The following ZEB1 variants were observed in gnomAD, a reference collection of about 807,000 sequenced individuals.
The protein encoded by ZEB1 is zinc finger E-box-binding homeobox 1.
A neutral mutation model predicts 84.9 loss-of-function variants in ZEB1; 21 were observed. The observed-to-expected ratio is 0.25, with a 90% CI of 0.18 to 0.36. ZEB1 has a LOEUF of 0.36. Among genes scored for constraint, ZEB1 ranks in the 10% least tolerant of loss-of-function variants. The pLI, the probability that ZEB1 is intolerant of heterozygous loss-of-function variation, is 1.00. For missense variants in ZEB1, 1,104 were observed against 1,330.2 expected, an observed-to-expected ratio of 0.83 and a Z score of 2.65; for synonymous variants, 420 against 471.1, an observed-to-expected ratio of 0.89 and a Z score of 1.41.
Position 31,345,428 on chromosome 10 carries a change from G to A in ZEB1, c.58+26136G>A, listed in dbSNP as rs907510284. Among the ~76,000 whole-genome samples, 3 of 152,084 alleles carry A rather than the reference G, an allele frequency of 2.0e-5. 1 individual carries two copies. Among genetic ancestry groups the A allele is most frequent in the Non-Finnish European group, 4.4e-5 (3 of 68,004 alleles). ...TGGTAACTAAAATTCATTTTGTTCT[G>A]TAGGTTTGTGGCATTTTATGTGGGG... On this transcript the variant is annotated intron_variant, in intron 1 of 8. Transcript: ENST00000424869.
At chr10:31,440,202 C>A (rs1037035366) in intron 1 of ZEB1, among the ~76,000 whole-genome samples, 3 of 152,016 alleles carry the variant, frequency 2.0e-5, no homozygotes, top group African/African-American at 7.2e-5. Flanking sequence ...ATGGAATTGC[C>A]GTTTACTGAA....
At chr10:31,363,766 A>G (rs1442764821) in intron 1 of ZEB1, 2 of 1,282,500 alleles carry the variant, frequency 1.6e-6, no homozygotes, top group South Asian at 1.3e-5. Context: ...GCTCCAGACC[A>G]CAGGACGCAG....
chr10:31,466,629 T>TA (rs2062459717), intron 2 of ZEB1, among the ~76,000 whole-genome samples: 1 of 152,170 alleles, frequency 6.6e-6, no homozygotes, highest in African/African-American at 2.4e-5. Flanking sequence ...GAGAATTTTA[T>TA]AGCAATAAAT....
At chr10:31,433,575 G>A (rs989870692) in intron 1 of ZEB1, among the ~76,000 whole-genome samples, 2 of 152,206 alleles carry the variant, frequency 1.3e-5, no homozygotes, top group African/African-American at 4.8e-5. Context: ...AATTCCAGGA[G>A]TGATTTTCCA....
At chr10:31,347,639 A>T (rs2040541942) in intron 1 of ZEB1, among the ~76,000 whole-genome samples, 1 of 152,228 alleles carries the variant, frequency 6.6e-6, no homozygotes, top group South Asian at 2.1e-4. Context: ...TAAACCTTTA[A>T]CATAAACATT....
intron 1 of ZEB1, among the ~76,000 whole-genome samples, chr10:31,349,518 C>G (rs2040936314): frequency 6.6e-6 from 1 of 152,132 alleles, no homozygotes; most frequent in Admixed American, 6.5e-5. Context: ...AGTGGCTGTA[C>G]CAATTTACAT....
Position 31,520,951 on chromosome 10 carries a change from G to C in ZEB1, c.1619G>C (p.Gly540Ala), listed in dbSNP as rs774657322. 2 of 1,614,106 alleles carry C rather than the reference G, an allele frequency of 1.2e-6. No individual in the cohort carries two copies. The highest frequency in any genetic ancestry group is 1.7e-6 in the Non-Finnish European group (2 of 1,180,016). The change falls in exon 7 of 9, where the codon GGA (glycine) becomes GCA (alanine). Residue 540 changes from glycine (G) to alanine (A), a missense_variant. Physicochemically the swap from Gly to Ala is moderately conservative, Grantham distance 60 (BLOSUM62 0). This residue lies in a region of ZEB1 where 531 missense variants were observed against 575.2 expected (regional missense o/e 0.92). Transcript: ENST00000424869. The surrounding 1 kb of genome is among the most constrained non-coding windows in gnomAD (Gnocchi z 5.1). ...TGTCTTCTGTGTGATGATTGTCCAGGAGATATTAATGCACTTCCAGAATTA... is the reference window on the plus strand; with the variant it reads ...TGTCTTCTGTGTGATGATTGTCCAGCAGATATTAATGCACTTCCAGAATTA... ...STCLLCDDCP[G>A]DINALPELKH...
chr10:31,376,102 G>A (rs1467342197), intron 1 of ZEB1, among the ~76,000 whole-genome samples: 2 of 151,672 alleles, frequency 1.3e-5, no homozygotes, highest in Non-Finnish European at 3.0e-5. Flanking sequence ...AGATAGAATA[G>A]CAAATCACAT....
At position 31,514,497 on chromosome 10, in the gene ZEB1, C is replaced by CA. The variant is rs1297778389; in HGVS notation, c.688-102dup. On this transcript the variant is annotated intron_variant, in intron 5 of 8. Transcript: ENST00000424869. ...AATTTGAGGTCTTTAAGAAACAAAA[C>CA]AAAACAACCATCAGGCTCACAAAAA... 1.7e-5 allele frequency: 17 copies of CA among 1,004,964 alleles called. No individual in the cohort carries two copies. The Admixed American group carries it at 3.8e-4, about 22-fold the overall frequency. 62.3% of individuals were successfully genotyped at this position (1,004,964 alleles called of 1,614,324 possible). A position where few individuals can be genotyped will look rare whatever the true frequency, so the allele number is the denominator to read the frequency against.
intron 1 of ZEB1, among the ~76,000 whole-genome samples, chr10:31,452,542 GTTTTGTTTTCA>G (rs2060685380): frequency 6.6e-6 from 1 of 152,028 alleles, no homozygotes; most frequent in Non-Finnish European, 1.5e-5. Flanking sequence ...TATGACTGCA[GTTTTGTTTTCA>G]TTTTCCTGAA....
chr10:31,472,178 A>G (rs927191010), intron 2 of ZEB1, among the ~76,000 whole-genome samples: 239 of 151,714 alleles, frequency 1.6e-3, no homozygotes, highest in Middle Eastern at 0.014. Context: ...AAACACATTC[A>G]AAAGCTAGCA....
At chr10:31,366,065 T>A (rs1049766765) in intron 1 of ZEB1, among the ~76,000 whole-genome samples, 1 of 152,202 alleles carries the variant, frequency 6.6e-6, no homozygotes, top group Non-Finnish European at 1.5e-5. Context: ...CTGAGAATAA[T>A]GTTTGCACTT....
intron 1 of ZEB1, among the ~76,000 whole-genome samples, chr10:31,394,723 G>A (rs1291922112): frequency 6.6e-6 from 1 of 152,180 alleles, no homozygotes; most frequent in East Asian, 1.9e-4. Flanking sequence ...TCTCATAGCT[G>A]TATAATGTTC....
chr10:31,419,462 A>C (rs550953411), intron 1 of ZEB1, among the ~76,000 whole-genome samples: 2 of 152,154 alleles, frequency 1.3e-5, no homozygotes, highest in South Asian at 2.1e-4. Context: ...ACTATGGCTA[A>C]TGTGTGGAGA....
chr10:31,524,773 AG>A (rs1420847735), intron 8 of ZEB1, among the ~76,000 whole-genome samples: 2 of 147,910 alleles, frequency 1.4e-5, no homozygotes, highest in Non-Finnish European at 2.9e-5. Flanking sequence ...CTAAAGTCAT[AG>A]GGAGACAGGA....
intron 1 of ZEB1, among the ~76,000 whole-genome samples, chr10:31,421,936 C>A (rs1019173061): frequency 3.3e-5 from 5 of 152,048 alleles, no homozygotes; most frequent in African/African-American, 1.2e-4. Flanking sequence ...TATTCCCCCC[C>A]TCCCCGCTGA....
Position 31,527,255 on chromosome 10 carries a change from T to A in ZEB1, c.3369T>A (p.Asn1123Lys). ...AGCAAGTGTCTGAAGAAAAGACAAA[T>A]GAAGCCTAATCGTTTTTCTAGAAGG... ...SSEQVSEEKT[N>K]EA The change falls in exon 9 of 9, where the codon AAT (asparagine) becomes AAA (lysine). Residue 1123 changes from asparagine to lysine, a missense_variant. Asn to Lys is a moderately conservative substitution (Grantham distance 94). Transcript: ENST00000424869. 6.2e-7 allele frequency: 1 copy of A among 1,605,128 alleles called. No individual in the cohort carries two copies. The highest frequency in any genetic ancestry group is 2.3e-5 in the East Asian group (1 of 44,000).
At chr10:31,469,563 C>T (rs1163046511) in intron 2 of ZEB1, among the ~76,000 whole-genome samples, 4 of 152,218 alleles carry the variant, frequency 2.6e-5, no homozygotes, top group African/African-American at 7.2e-5. Context: ...GAGGGTCCTA[C>T]GCCCACGGAG....
intron 1 of ZEB1, among the ~76,000 whole-genome samples, chr10:31,347,319 T>G (rs2040485452): frequency 6.6e-6 from 1 of 152,212 alleles, no homozygotes; most frequent in Admixed American, 6.5e-5. Context: ...TCTCACTCAG[T>G]GAAGATCTAT....
Sources: gnomAD v4.1 joint callset for allele counts (sites outside exome capture counted in the v4.1 genomes callset) on GRCh38, gnomAD v4.1.1 for gene constraint, gnomAD v4.1.1 regional missense constraint, Gnocchi (gnomAD v3.1) non-coding constraint, MANE v1.5 for transcripts, NCBI Gene and HGNC (gene_info 2026-07-23, HGNC 2026-07-21) for gene names.